The following TIAL1 variants were observed in gnomAD, a reference collection of about 807,000 sequenced individuals.
TIAL1 encodes TIA1 cytotoxic granule associated RNA binding protein like 1.
TIAL1 carries 7 observed loss-of-function variants against 59.7 expected under a neutral mutation model. That is an observed-to-expected ratio of 0.12 (90% CI 0.07 to 0.22). The LOEUF is 0.22. Among genes scored for constraint, TIAL1 ranks in the 10% least tolerant of loss-of-function variants. TIAL1 has a pLI of 1.00. For missense variants in TIAL1, 225 were observed against 462.5 expected (o/e 0.49, Z 4.71); for synonymous variants, 149 against 146.3 (o/e 1.02, Z -0.13).
intron 2 of TIAL1, among the ~76,000 whole-genome samples, 170 bp downstream of exon 2, chr10:119,587,982 C>T (rs1329038004): frequency 6.6e-6 from 1 of 152,194 alleles, no homozygotes; most frequent in Non-Finnish European, 1.5e-5. Flanking sequence ...ACTTTGCCCT[C>T]TTAAATAAAA....
At chr10:119,587,428 A>G (rs1471753812) in intron 2 of TIAL1, among the ~76,000 whole-genome samples, 1 of 152,210 alleles carries the variant, frequency 6.6e-6, no homozygotes, top group Non-Finnish European at 1.5e-5. Flanking sequence ...TCACTGACCT[A>G]AGGCTGCACT....
At chr10:119,594,415 G>A (rs1030328994) in intron 1 of TIAL1, among the ~76,000 whole-genome samples, 18 of 152,128 alleles carry the variant, frequency 1.2e-4, no homozygotes, top group Non-Finnish European at 2.5e-4. Flanking sequence ...TCTTGGTAAG[G>A]AACAGATACA....
chr10:119,589,292 G>A (rs980604402), intron 1 of TIAL1, among the ~76,000 whole-genome samples: 2 of 152,080 alleles, frequency 1.3e-5, no homozygotes, highest in Non-Finnish European at 2.9e-5. Context: ...TGCAACCTCC[G>A]CCTCCCAGGT....
intron 1 of TIAL1, among the ~76,000 whole-genome samples, chr10:119,590,808 G>GAAAGAAAGAA (rs957670192): frequency 6.3e-5 from 9 of 142,074 alleles, no homozygotes; most frequent in Non-Finnish European, 1.5e-5. Flanking sequence ...AAGAAAGAAA[G>GAAAGAAAGAA]AAAGAAAGAA....
chr10:119,586,669 C>T (rs1258162261), intron 2 of TIAL1, among the ~76,000 whole-genome samples: 2 of 152,182 alleles, frequency 1.3e-5, no homozygotes, highest in East Asian at 3.8e-4. Flanking sequence ...GATTCTGAAT[C>T]CTGCTGTTAG....
At position 119,596,948 on chromosome 10, in the gene TIAL1, G is replaced by C; in HGVS notation, c.-483C>G. ...GGGAATTGTGGTCCTGGAAATGAGA[G>C]AGGGAAGCACTTCTGCAGAGGACTT... On this transcript the variant is annotated 5_prime_UTR_variant, in exon 1 of 12. Transcript: ENST00000436547. The C allele has an allele frequency of 5.7e-6, 1 of 176,772 alleles. No individual in the cohort carries two copies. Among genetic ancestry groups the C allele is most frequent in the Non-Finnish European group, 1.2e-5 (1 of 81,096 alleles). 11.0% of individuals were successfully genotyped at this position (176,772 alleles called of 1,614,324 possible). A position where few individuals can be genotyped will look rare whatever the true frequency, so the allele number is the denominator to read the frequency against.
At chr10:119,591,308 G>A (rs1845871126) in intron 1 of TIAL1, among the ~76,000 whole-genome samples, 1 of 152,054 alleles carries the variant, frequency 6.6e-6, no homozygotes, top group Admixed American at 6.6e-5. Flanking sequence ...GGGGGAGGCT[G>A]AGGCAGGAGA....
chr10:119,586,255 T>C (rs1845566919), intron 2 of TIAL1, among the ~76,000 whole-genome samples: 1 of 152,156 alleles, frequency 6.6e-6, no homozygotes, highest in Non-Finnish European at 1.5e-5. Context: ...CTTTAGCAAA[T>C]AAATAGCATT....
chr10:119,575,764 A>C lies in TIAL1; in HGVS notation c.1029T>G (p.Gly343=). The change falls in exon 12 of 12, where the codon GGT becomes GGG. Residue 343 remains glycine, a synonymous_variant. Transcript: ENST00000436547. ...CTTGGGGAGGCTGAGCACCAAATCC[A>C]CCCATCCAAGCAGCAGAAGGTGATT... is the stretch of plus-strand genomic sequence containing the variant. ...VDQSPSAAWM[G]GFGAQPPQGQ... The C allele has an allele frequency of 6.3e-7, 1 of 1,593,028 alleles. No individual in the cohort carries two copies. The highest frequency in any genetic ancestry group is 1.1e-5 in the South Asian group (1 of 88,368).
At position 119,573,942 on chromosome 10, in the gene TIAL1, G is replaced by A. The variant is rs943213537; in HGVS notation, c.*1723C>T. 4 of 152,322 alleles carry A rather than the reference G, an allele frequency of 2.6e-5. No homozygotes were observed. Among genetic ancestry groups the A allele is most frequent in the Non-Finnish European group, 4.4e-5 (3 of 68,038 alleles). The allele number at this position is 152,322 out of a possible 1,614,324, so 9.4% of individuals were successfully genotyped here. ...GGAGGAAAGTAATACCAAAATTATT[G>A]TGACCACCAATTTATAAAATCATTA... On this transcript the variant is annotated 3_prime_UTR_variant, in exon 12 of 12. Coordinates refer to ENST00000436547, the MANE Select transcript of TIAL1 (RefSeq NM_003252.4).
intron 9 of TIAL1, 112 bp downstream of exon 9, chr10:119,577,339 T>C (rs1845052331): frequency 1.4e-6 from 2 of 1,433,974 alleles, no homozygotes; most frequent in South Asian, 2.8e-5. Flanking sequence ...TAGCTTAAAC[T>C]TCTATACTGC....
In TIAL1 at chr10:119,574,697, C is replaced by T. The variant is rs1844892691; in HGVS notation, c.*968G>A. ...AATTAAAATTAAGGCTTTTTCTGCACAATTTGTGTAATTTTAATTTTACAT... is the reference window on the plus strand; with the variant it reads ...AATTAAAATTAAGGCTTTTTCTGCATAATTTGTGTAATTTTAATTTTACAT... On this transcript the variant is annotated 3_prime_UTR_variant, in exon 12 of 12. Transcript: ENST00000436547. 6.6e-6 allele frequency: 1 copy of T among 151,354 alleles called. No homozygotes were observed. Among genetic ancestry groups the T allele is most frequent in the Admixed American group, 6.6e-5 (1 of 15,110 alleles). The allele number at this position is 151,354 out of a possible 1,614,324, so 9.4% of individuals were successfully genotyped here.
chr10:119,576,556 T>A, intron 11 of TIAL1, 55 bp downstream of exon 11: 1 of 1,584,534 alleles, frequency 6.3e-7, no homozygotes, highest in South Asian at 1.2e-5. Context: ...AACACACTTT[T>A]ATTTATTTTG....
rs142274317 is a variant in TIAL1, at chr10:119,585,605, C to T, written c.129+2547G>A. Reference sequence around the variant, plus strand: ...ATATGGATGTTATGAAAATTCATTTCGAGTCCCTCTACCCTTCAAATAGCT... The same window carrying T: ...ATATGGATGTTATGAAAATTCATTTTGAGTCCCTCTACCCTTCAAATAGCT... On this transcript the variant is annotated intron_variant, in intron 2 of 11. Coordinates refer to ENST00000436547, the MANE Select transcript of TIAL1 (RefSeq NM_003252.4). 2.1e-3 allele frequency among the ~76,000 whole-genome samples: 322 copies of T among 152,160 alleles called. 1 individual carries two copies. The highest frequency in any genetic ancestry group is 3.6e-3 in the Non-Finnish European group (242 of 68,002).
In TIAL1 at chr10:119,577,567, CT is replaced by C. The variant is rs957092910; in HGVS notation, c.653-33del. 4.4e-6 allele frequency: 7 copies of C among 1,608,318 alleles called. No homozygotes were observed. The Admixed American group carries it at 1.0e-4, about 23-fold the overall frequency. The stretch of plus-strand genomic sequence containing the variant: ...AACAAAACATACAAATAAAACATGG[CT>C]GATGTGTATCATGAAATTCATATGA... On this transcript the variant is annotated intron_variant, in intron 8 of 11. Transcript: ENST00000436547.
chr10:119,580,302 A>T, intron 5 of TIAL1: 1 of 336,262 alleles, frequency 3.0e-6, no homozygotes, highest in Non-Finnish European at 5.2e-6. Context: ...CTAATATTCT[A>T]TTTACTAGTG....
chr10:119,582,631 A>T lies in TIAL1; in HGVS notation c.130-74T>A. On this transcript the variant is annotated intron_variant, in intron 2 of 11. Coordinates refer to ENST00000436547, the MANE Select transcript of TIAL1 (RefSeq NM_003252.4). The surrounding 1 kb of genome is among the most constrained non-coding windows in gnomAD (Gnocchi z 5.1). Reference sequence around the variant, plus strand: ...TTGCTGAGAAGAAAATCCAGGAAAAAACATTACTGATAGCTGGGAATATAC... The same window carrying T: ...TTGCTGAGAAGAAAATCCAGGAAAATACATTACTGATAGCTGGGAATATAC... 6.3e-7 allele frequency: 1 copy of T among 1,583,506 alleles called. No individual in the cohort carries two copies. The highest frequency in any genetic ancestry group is 8.6e-7 in the Non-Finnish European group (1 of 1,169,112).
intron 2 of TIAL1, among the ~76,000 whole-genome samples, chr10:119,586,026 A>G (rs1845556321): frequency 2.0e-5 from 3 of 152,052 alleles, no homozygotes; most frequent in Admixed American, 2.0e-4. Context: ...CTTCTTTACC[A>G]TCATTCTCTC....
In TIAL1 at chr10:119,581,739, T is replaced by C. The variant is rs116662596; in HGVS notation, c.371+183A>G. Reference sequence around the variant, plus strand: ...AGATGAAAACGAGACCCCAAGACACTGAAATGACATTAACATTTTCAACAA... The same window carrying C: ...AGATGAAAACGAGACCCCAAGACACCGAAATGACATTAACATTTTCAACAA... On this transcript the variant is annotated intron_variant, in intron 5 of 11. Transcript: ENST00000436547. 2.4e-3 allele frequency: 1,194 copies of C among 507,486 alleles called. 9 individuals are homozygous for C. The highest frequency in any genetic ancestry group is 0.021 in the African/African-American group (1,091 of 51,948). 31.4% of individuals were successfully genotyped at this position (507,486 alleles called of 1,614,324 possible). A position where few individuals can be genotyped will look rare whatever the true frequency, so the allele number is the denominator to read the frequency against.
Sources: gnomAD v4.1 joint callset for allele counts (sites outside exome capture counted in the v4.1 genomes callset) on GRCh38, gnomAD v4.1.1 for gene constraint, Gnocchi (gnomAD v3.1) non-coding constraint, MANE v1.5 for transcripts, NCBI Gene and HGNC (gene_info 2026-07-23, HGNC 2026-07-21) for gene names.